The following GRID2 variants were observed in gnomAD, a reference collection of about 807,000 sequenced individuals.
GRID2 encodes glutamate ionotropic receptor delta type subunit 2, also known as glutamate receptor ionotropic, delta-2.
A neutral mutation model predicts 114.8 loss-of-function variants in GRID2; 33 were observed. That is an observed-to-expected ratio of 0.29 (90% confidence interval 0.22 to 0.38). The LOEUF (loss-of-function observed/expected upper bound fraction) is 0.38, where lower values mean the gene tolerates loss of function less well. GRID2 is among the 10% of genes least tolerant of loss of function. The pLI is 1.00. For missense variants in GRID2, 1,184 were observed against 1,257.7 expected (o/e 0.94, Z 0.89); for synonymous variants, 505 against 449.9 (o/e 1.12, Z -1.55).
chr4:93,585,630 G>C (rs1240995106), intron 13 of GRID2, among the ~76,000 whole-genome samples: 1 of 151,904 alleles, frequency 6.6e-6, no homozygotes, highest in Non-Finnish European at 1.5e-5. Context: ...TTCCACCCCA[G>C]CTTCTCCATA....
At chr4:92,541,304 A>C (rs1725934567) in intron 1 of GRID2, among the ~76,000 whole-genome samples, 1 of 151,920 alleles carries the variant, frequency 6.6e-6, no homozygotes, top group East Asian at 1.9e-4. Flanking sequence ...AAAAATAAAT[A>C]AAATAAGAGT....
At chr4:93,464,635 A>G (rs989978946) in intron 11 of GRID2, among the ~76,000 whole-genome samples, 28 of 152,142 alleles carry the variant, frequency 1.8e-4, no homozygotes, top group Admixed American at 4.6e-4. Context: ...CACATTATGT[A>G]TCTCATTATA....
At chr4:92,746,138 CTGTATAT>C (rs1737140108) in intron 2 of GRID2, among the ~76,000 whole-genome samples, 1 of 152,074 alleles carries the variant, frequency 6.6e-6, no homozygotes, top group Non-Finnish European at 1.5e-5. Context: ...TGTGCTGTCT[CTGTATAT>C]CTTCCTAAAA....
At chr4:92,930,061 T>C (rs1258843664) in intron 2 of GRID2, among the ~76,000 whole-genome samples, 1 of 151,274 alleles carries the variant, frequency 6.6e-6, no homozygotes. Flanking sequence ...GAAGAAAATA[T>C]GTATTGAAGA....
chr4:92,313,084 TG>T lies in GRID2; in HGVS notation c.88+8341del, dbSNP rs1725789371. 4.0e-4 allele frequency among the ~76,000 whole-genome samples: 3 copies of T among 7,456 alleles called. No homozygotes were observed. The South Asian group carries it at 7.9e-3, about 20-fold the overall frequency. 4.9% of individuals were successfully genotyped at this position (7,456 alleles called of 152,430 possible). A position where few individuals can be genotyped will look rare whatever the true frequency, so the allele number is the denominator to read the frequency against. On this transcript the variant is annotated intron_variant, in intron 1 of 15. Coordinates refer to ENST00000282020, the MANE Select transcript of GRID2 (RefSeq NM_001510.4). ...GAGTGGATAAAGAAACTCTGATATG[TG>T]TGTGTGTGTGTGTGTGTGTGTGTGT...
intron 11 of GRID2, among the ~76,000 whole-genome samples, chr4:93,468,914 A>G (rs551439949): frequency 1.3e-5 from 2 of 152,260 alleles, no homozygotes; most frequent in East Asian, 1.9e-4. Context: ...TTTTATAGGT[A>G]TACAAATGTA....
chr4:93,676,745 AG>A (rs1560891258), intron 14 of GRID2, among the ~76,000 whole-genome samples: 1 of 150,568 alleles, frequency 6.6e-6, no homozygotes, highest in African/African-American at 2.4e-5. Context: ...TAAAAAAAAA[AG>A]ATATTACAAA....
intron 1 of GRID2, among the ~76,000 whole-genome samples, chr4:92,317,079 T>G (rs28396937): frequency 6.6e-6 from 1 of 152,174 alleles, no homozygotes; most frequent in African/African-American, 2.4e-5. Context: ...AATTTAATAC[T>G]GTATATCAGA....
At chr4:92,960,791 T>G (rs1274717650) in intron 2 of GRID2, among the ~76,000 whole-genome samples, 2 of 151,794 alleles carry the variant, frequency 1.3e-5, no homozygotes, top group African/African-American at 4.8e-5. Context: ...TTCTATTTGT[T>G]GCCTGTGATC....
intron 13 of GRID2, among the ~76,000 whole-genome samples, chr4:93,561,430 G>T (rs2149563866): frequency 6.6e-6 from 1 of 152,104 alleles, no homozygotes; most frequent in East Asian, 1.9e-4. Context: ...AAGGTATAGA[G>T]ATTTTCCGTA....
intron 12 of GRID2, 140 bp from the exon 13 acceptor site, chr4:93,515,076 A>T (rs879696729): frequency 9.2e-6 from 4 of 432,580 alleles, no homozygotes; most frequent in Admixed American, 8.1e-5. Flanking sequence ...ATATCCTAAT[A>T]TCAGAAAACA....
chr4:93,786,498 G>A (rs1186874033), intron 1 of GRID2, among the ~76,000 whole-genome samples: 2 of 152,142 alleles, frequency 1.3e-5, no homozygotes, highest in Non-Finnish European at 2.9e-5. Context: ...TGAGATCCAG[G>A]GTACAATTCC....
At position 93,058,137 on chromosome 4, in the gene GRID2, T is replaced by G. The variant is rs534232726; in HGVS notation, c.245-26858T>G. Reference sequence around the variant, plus strand: ...AGTGAAGTTTACTTAAAACCCTGTGTGGATTATTAAAATTTAATAATATGA... The same window carrying G: ...AGTGAAGTTTACTTAAAACCCTGTGGGGATTATTAAAATTTAATAATATGA... On this transcript the variant is annotated intron_variant, in intron 2 of 15. Transcript: ENST00000282020. 3.0e-3 allele frequency among the ~76,000 whole-genome samples: 172 copies of G among 57,852 alleles called. 1 individual carries two copies. The highest frequency in any genetic ancestry group is 0.014 in the African/African-American group (162 of 11,184). The allele number at this position is 57,852 out of a possible 152,430, so 38.0% of individuals were successfully genotyped here.
chr4:93,075,264 A>G (rs1729155904), intron 2 of GRID2, among the ~76,000 whole-genome samples: 1 of 152,352 alleles, frequency 6.6e-6, no homozygotes, highest in Admixed American at 6.5e-5. Context: ...CATTCCTGAT[A>G]ACTCTGAACA....
intron 2 of GRID2, among the ~76,000 whole-genome samples, chr4:92,924,277 A>G (rs1056550320): frequency 1.3e-5 from 2 of 152,142 alleles, no homozygotes; most frequent in Non-Finnish European, 2.9e-5. Flanking sequence ...GAGGGATAGC[A>G]TTAGGAGAAA....
intron 2 of GRID2, among the ~76,000 whole-genome samples, chr4:92,734,380 C>A (rs570611683): frequency 6.6e-6 from 1 of 152,082 alleles, no homozygotes; most frequent in Admixed American, 6.6e-5. Flanking sequence ...CTCCTGGATT[C>A]AAGTGATCCT....
chr4:92,658,454 C>T (rs913163606), intron 2 of GRID2, among the ~76,000 whole-genome samples: 10 of 151,702 alleles, frequency 6.6e-5, no homozygotes, highest in African/African-American at 2.4e-4. Context: ...AGATTAGCCA[C>T]GCTGGTAAAG....
In GRID2 at chr4:93,021,687, T is replaced by A. The variant is rs1306807506; in HGVS notation, c.245-63308T>A. Among the ~76,000 whole-genome samples the A allele has an allele frequency of 3.4e-5, 5 of 145,438 alleles. No individual in the cohort carries two copies. The East Asian group carries it at 9.9e-4, about 29-fold the overall frequency. On this transcript the variant is annotated intron_variant, in intron 2 of 15. Transcript: ENST00000282020. The stretch of plus-strand genomic sequence containing the variant: ...TGTATACTATAAATATAATTATTTA[T>A]AATATGTATATTATGAATATTATAA...
intron 8 of GRID2, among the ~76,000 whole-genome samples, chr4:93,359,842 T>C (rs1481574644): frequency 1.0e-5 from 1 of 95,654 alleles, no homozygotes; most frequent in Non-Finnish European, 2.0e-5. Flanking sequence ...CAGTAGGCAT[T>C]ACAAAAGGGC....
Sources: gnomAD v4.1 joint callset for allele counts (sites outside exome capture counted in the v4.1 genomes callset) on GRCh38, gnomAD v4.1.1 for gene constraint, MANE v1.5 for transcripts, NCBI Gene and HGNC (gene_info 2026-07-23, HGNC 2026-07-21) for gene names.